NEO1: variants seen among roughly 807,000 people sequenced by gnomAD.
NEO1 encodes neogenin.
A neutral mutation model predicts 159.7 loss-of-function variants in NEO1; 63 were observed. That is an observed-to-expected ratio of 0.39 (90% CI 0.32 to 0.49). The LOEUF is 0.49. NEO1 is among the 20% of genes least tolerant of loss of function. The pLI, the probability that NEO1 is intolerant of heterozygous loss-of-function variation, is 0.85. For synonymous variants in NEO1, 633 were observed against 662.0 expected, an observed-to-expected ratio of 0.96 and a Z score of 0.67; for missense variants, 1,615 against 1,831.0, an observed-to-expected ratio of 0.88 and a Z score of 2.15.
intron 1 of NEO1, among the ~76,000 whole-genome samples, chr15:73,090,505 A>G (rs553940321): frequency 3.9e-5 from 6 of 152,364 alleles, no homozygotes; most frequent in African/African-American, 1.2e-4. Context: ...CCCAATGAAT[A>G]GGCATATATT....
intron 7 of NEO1, among the ~76,000 whole-genome samples, chr15:73,179,472 A>G (rs1048308685): frequency 6.6e-6 from 1 of 152,208 alleles, no homozygotes; most frequent in Admixed American, 6.5e-5. Context: ...CACTGGAGGC[A>G]TTCTGCTACA....
Position 73,270,082 on chromosome 15 carries a change from C to T in NEO1, c.2567C>T (p.Pro856Leu), listed in dbSNP as rs776581649. 1.2e-6 allele frequency: 2 copies of T among 1,614,106 alleles called. No homozygotes were observed. Among genetic ancestry groups the T allele is most frequent in the Middle Eastern group, 1.6e-4 (1 of 6,062 alleles). ...TPVPDPTPMM[P>L]PVGVQASILS... ...GTGCCAGATCCCACTCCCATGATGCCACCAGTGGGAGTTCAGGCTTCCATT... is the reference window on the plus strand; with the variant it reads ...GTGCCAGATCCCACTCCCATGATGCTACCAGTGGGAGTTCAGGCTTCCATT... Residue 856 changes from proline to leucine, a missense_variant, in exon 17 of 29, where the codon CCA becomes CTA. Transcript: ENST00000261908.
intron 27 of NEO1, 46 bp downstream of exon 27, chr15:73,298,657 A>G: frequency 6.2e-7 from 1 of 1,603,632 alleles, no homozygotes; most frequent in South Asian, 1.1e-5. Context: ...ACCTGGAGTG[A>G]CCCTTTGGCT....
intron 5 of NEO1, among the ~76,000 whole-genome samples, chr15:73,175,586 G>C (rs915138299): frequency 6.6e-6 from 1 of 152,144 alleles, no homozygotes; most frequent in Non-Finnish European, 1.5e-5. Flanking sequence ...CGTTGCCATT[G>C]TTGTTGTTAT....
intron 13 of NEO1, among the ~76,000 whole-genome samples, chr15:73,256,424 G>A (rs549326731): frequency 2.6e-5 from 4 of 152,214 alleles, no homozygotes; most frequent in East Asian, 1.9e-4. Flanking sequence ...CTCTTGAACC[G>A]GGGAGGCAGA....
intron 7 of NEO1, among the ~76,000 whole-genome samples, chr15:73,186,238 G>A (rs1205479594): frequency 6.6e-6 from 1 of 151,438 alleles, no homozygotes; most frequent in Admixed American, 6.6e-5. Flanking sequence ...AATAATTAAG[G>A]GGCCATGGTA....
chr15:73,216,367 A>G (rs2037884180), intron 7 of NEO1, among the ~76,000 whole-genome samples: 1 of 152,024 alleles, frequency 6.6e-6, no homozygotes, highest in Admixed American at 6.6e-5. Context: ...AGTCTTTGCT[A>G]TTGTGAATAG....
intron 5 of NEO1, among the ~76,000 whole-genome samples, chr15:73,175,491 C>T (rs1365811828): frequency 6.6e-6 from 1 of 152,172 alleles, no homozygotes; most frequent in Non-Finnish European, 1.5e-5. Flanking sequence ...TTTAAGACGT[C>T]AAGTTGCCAC....
intron 1 of NEO1, among the ~76,000 whole-genome samples, chr15:73,089,507 C>G (rs1391618110): frequency 1.3e-5 from 2 of 150,520 alleles, no homozygotes; most frequent in Non-Finnish European, 3.0e-5. Flanking sequence ...GGCAAGCAGT[C>G]AAATAAAAAT....
At chr15:73,200,877 T>C (rs2036844136) in intron 7 of NEO1, among the ~76,000 whole-genome samples, 1 of 151,868 alleles carries the variant, frequency 6.6e-6, no homozygotes, top group Non-Finnish European at 1.5e-5. Context: ...AGAGACAGTT[T>C]CGCCATGTTG....
chr15:73,132,409 T>TC (rs2151725311), intron 4 of NEO1, among the ~76,000 whole-genome samples: 1 of 152,252 alleles, frequency 6.6e-6, no homozygotes, highest in East Asian at 1.9e-4. Flanking sequence ...CAAAAGCCTT[T>TC]CCCTAAGACC....
intron 5 of NEO1, among the ~76,000 whole-genome samples, chr15:73,175,646 T>G (rs566121602): frequency 9.8e-5 from 15 of 152,292 alleles, no homozygotes; most frequent in Middle Eastern, 3.4e-3. Context: ...ATGTAGGGAG[T>G]TCCTGTCATT....
intron 7 of NEO1, among the ~76,000 whole-genome samples, chr15:73,186,418 A>G (rs1161455533): frequency 6.6e-6 from 1 of 152,158 alleles, no homozygotes; most frequent in Non-Finnish European, 1.5e-5. Flanking sequence ...CCTTTTCAGA[A>G]CAGAAACTGA....
intron 1 of NEO1, among the ~76,000 whole-genome samples, chr15:73,096,701 A>G (rs1054037249): frequency 6.6e-6 from 1 of 152,188 alleles, no homozygotes; most frequent in African/African-American, 2.4e-5. Context: ...TTCATCAAGC[A>G]AGGGTGACTT....
At chr15:73,220,253 C>T (rs1181436516) in intron 7 of NEO1, among the ~76,000 whole-genome samples, 1 of 152,096 alleles carries the variant, frequency 6.6e-6, no homozygotes, top group Non-Finnish European at 1.5e-5. Flanking sequence ...ATATTGGCCC[C>T]CACTCTCTTC....
intron 27 of NEO1, among the ~76,000 whole-genome samples, chr15:73,299,637 G>A (rs548594662): frequency 4.7e-4 from 72 of 152,202 alleles, no homozygotes; most frequent in Non-Finnish European, 7.9e-4. Context: ...CGCCCACCTC[G>A]GCCTCCCAAA....
chr15:73,106,869 T>C (rs1197608716), intron 1 of NEO1, among the ~76,000 whole-genome samples: 2 of 152,222 alleles, frequency 1.3e-5, no homozygotes, highest in African/African-American at 4.8e-5. Flanking sequence ...TCATTATGCC[T>C]TTAGACTTCG....
intron 7 of NEO1, among the ~76,000 whole-genome samples, chr15:73,186,648 A>G (rs555793755): frequency 2.2e-4 from 33 of 152,052 alleles, no homozygotes; most frequent in African/African-American, 5.8e-4. Flanking sequence ...TCTGGCCATT[A>G]TGCAAGGCAC....
intron 23 of NEO1, among the ~76,000 whole-genome samples, chr15:73,283,514 C>T (rs915764174): frequency 1.3e-5 from 2 of 152,156 alleles, no homozygotes; most frequent in Admixed American, 1.3e-4. Flanking sequence ...GCAGCCATTG[C>T]CAGCCTCCTC....
Sources: gnomAD v4.1 joint callset for allele counts (sites outside exome capture counted in the v4.1 genomes callset) on GRCh38, gnomAD v4.1.1 for gene constraint, MANE v1.5 for transcripts, NCBI Gene and HGNC (gene_info 2026-07-23, HGNC 2026-07-21) for gene names.